The following PPFIA1 variants were observed in gnomAD, a reference collection of about 807,000 sequenced individuals.
PPFIA1 encodes PPFI scaffold protein A1.
A neutral mutation model predicts 149.9 loss-of-function variants in PPFIA1; 25 were observed. The observed-to-expected ratio is 0.17, with a 90% confidence interval of 0.12 to 0.23. The LOEUF (loss-of-function observed/expected upper bound fraction) is 0.23, where lower values mean the gene tolerates loss of function less well. PPFIA1 is among the 10% of genes least tolerant of loss of function. The pLI, the probability that PPFIA1 is intolerant of heterozygous loss-of-function variation, is 1.00. For synonymous variants in PPFIA1, 549 were observed against 552.8 expected (o/e 0.99, Z 0.10); for missense variants, 1,362 against 1,506.5 (o/e 0.90, Z 1.59).
chr11:70,285,786 A>G (rs2051071259), intron 2 of PPFIA1, among the ~76,000 whole-genome samples: 1 of 152,126 alleles, frequency 6.6e-6, no homozygotes, highest in Admixed American at 6.5e-5. Flanking sequence ...CATGCAGTAT[A>G]CATAATGTTT....
In PPFIA1 at chr11:70,288,910, T is replaced by A. The variant is rs138029460; in HGVS notation, c.264+16474T>A. Among the ~76,000 whole-genome samples the A allele has an allele frequency of 2.7e-3, 410 of 151,944 alleles. 1 individual carries two copies. Among genetic ancestry groups the A allele is most frequent in the African/African-American group, 9.6e-3 (399 of 41,422 alleles). ...GGTTCCCTTTAGTGGGAAGTGGCAT[T>A]TAGAAATCAGCATTTGGGGCTGGGT... On this transcript the variant is annotated intron_variant, in intron 2 of 27. Coordinates refer to ENST00000253925, the MANE Select transcript of PPFIA1 (RefSeq NM_003626.5).
At chr11:70,305,650 G>A (rs1398620882) in intron 2 of PPFIA1, among the ~76,000 whole-genome samples, 1 of 152,146 alleles carries the variant, frequency 6.6e-6, no homozygotes, top group Non-Finnish European at 1.5e-5. Flanking sequence ...GATTGCAGAC[G>A]TGAGCCCCTG....
chr11:70,294,945 T>C (rs538075438), intron 2 of PPFIA1, among the ~76,000 whole-genome samples: 119 of 152,126 alleles, frequency 7.8e-4, no homozygotes, highest in African/African-American at 2.8e-3. Flanking sequence ...AAGTCTCCCA[T>C]GTCTACTTCT....
chr11:70,291,876 C>CACA (rs976317258), intron 2 of PPFIA1, among the ~76,000 whole-genome samples: 1 of 133,754 alleles, frequency 7.5e-6, no homozygotes, highest in Non-Finnish European at 1.5e-5. Context: ...CTTGCTCTGT[C>CACA]GCCCAGGCTG....
In PPFIA1 at chr11:70,279,905, A is replaced by ATGTGTGTGTGTGTGTGTGTG. The variant is rs759392357; in HGVS notation, c.264+7482_264+7483insGTGTGTGTGTGTGTGTGTGT. On this transcript the variant is annotated intron_variant, in intron 2 of 27. Transcript: ENST00000253925. ...TGTCCGGCCTGTGTGTGTGTGGGGG[A>ATGTGTGTGTGTGTGTGTGTG]TGTGTGTGTGTGTATATTTTTGGGA... is the stretch of plus-strand genomic sequence containing the variant. 2.3e-3 allele frequency among the ~76,000 whole-genome samples: 330 copies of ATGTGTGTGTGTGTGTGTGTG among 144,966 alleles called. 2 individuals carry two copies. The highest frequency in any genetic ancestry group is 8.1e-3 in the African/African-American group (304 of 37,672).
At chr11:70,377,683 GA>G (rs1226134231) in intron 25 of PPFIA1, among the ~76,000 whole-genome samples, 1 of 152,094 alleles carries the variant, frequency 6.6e-6, no homozygotes, top group African/African-American at 2.4e-5. Flanking sequence ...AAATAAAAAT[GA>G]AAAATAAACT....
At chr11:70,338,717 C>G (rs1241730651) in intron 13 of PPFIA1, among the ~76,000 whole-genome samples, 1 of 152,240 alleles carries the variant, frequency 6.6e-6, no homozygotes, top group African/African-American at 2.4e-5. Flanking sequence ...GAGTGTGACA[C>G]TGATGATGTA....
intron 2 of PPFIA1, among the ~76,000 whole-genome samples, chr11:70,301,925 A>G (rs1320776570): frequency 6.6e-6 from 1 of 152,242 alleles, no homozygotes; most frequent in Non-Finnish European, 1.5e-5. Flanking sequence ...AGTTAATTCC[A>G]TATGCAGTGA....
At chr11:70,358,674 G>C (rs1235011451) in intron 19 of PPFIA1, 1 of 152,234 alleles carries the variant, frequency 6.6e-6, no homozygotes, top group East Asian at 1.9e-4. Flanking sequence ...ACTCAAAGGT[G>C]TGTTTTAACT....
At chr11:70,350,070 G>A (rs1329548982) in intron 16 of PPFIA1, 1 of 397,848 alleles carries the variant, frequency 2.5e-6, no homozygotes, top group Non-Finnish European at 5.0e-6. Flanking sequence ...GTTCGATCAT[G>A]TTTGTGAGTT....
chr11:70,291,982 T>A (rs950798925), intron 2 of PPFIA1, among the ~76,000 whole-genome samples: 1 of 151,530 alleles, frequency 6.6e-6, no homozygotes, highest in African/African-American at 2.4e-5. Context: ...GGACTACAGG[T>A]GCGTGCCACC....
At chr11:70,333,123 T>G (rs1284127282) in intron 9 of PPFIA1, 1 of 476,132 alleles carries the variant, frequency 2.1e-6, no homozygotes, top group South Asian at 1.5e-5. Context: ...GCTCCTTGCT[T>G]GTGCTTGCCG....
At position 70,383,128 on chromosome 11, in the gene PPFIA1, CAG is replaced by C. The variant is rs1175683413; in HGVS notation, c.*141_*142del. The stretch of plus-strand genomic sequence containing the variant: ...ATATGGACCCTAAGATATTTTATTA[CAG>C]AGTTTTTAATTAGTGAAAAATTCAT... On this transcript the variant is annotated 3_prime_UTR_variant, in exon 28 of 28. Coordinates refer to ENST00000253925, the MANE Select transcript of PPFIA1 (RefSeq NM_003626.5). 46 of 370,374 alleles carry C rather than the reference CAG, an allele frequency of 1.2e-4. No homozygotes were observed. In the Middle Eastern group the frequency reaches 1.8e-3, roughly 14 times the overall value. 22.9% of individuals were successfully genotyped at this position (370,374 alleles called of 1,614,324 possible). A position where few individuals can be genotyped will look rare whatever the true frequency, so the allele number is the denominator to read the frequency against.
intron 2 of PPFIA1, among the ~76,000 whole-genome samples, chr11:70,277,820 G>C (rs139210638): frequency 6.6e-6 from 1 of 151,644 alleles, no homozygotes; most frequent in Non-Finnish European, 1.5e-5. Context: ...AACTTTCTAC[G>C]GTATTTCTTT....
chr11:70,330,488 T>TTTAACC (rs1309977236), intron 8 of PPFIA1, among the ~76,000 whole-genome samples, 169 bp downstream of exon 8: 1 of 152,242 alleles, frequency 6.6e-6, no homozygotes. Flanking sequence ...GAGGTTTTGA[T>TTTAACC]TACGTAGGAT....
At position 70,338,428 on chromosome 11, in the gene PPFIA1, C is replaced by T; in HGVS notation, c.1546C>T (p.Leu516=). The change falls in exon 13 of 28, where the codon CTA becomes TTA. Residue 516 remains leucine (L), a synonymous_variant. Coordinates refer to ENST00000253925, the MANE Select transcript of PPFIA1 (RefSeq NM_003626.5). ...ALRAELDHMR[L]RGASLHHGRP... ...GAGGGCTGAACTAGACCACATGAGA[C>T]TAAGAGGTGCTTCACTTCATCATGG... 1 of 1,612,360 alleles carries T rather than the reference C, an allele frequency of 6.2e-7. No individual in the cohort carries two copies. Among genetic ancestry groups the T allele is most frequent in the Non-Finnish European group, 8.5e-7 (1 of 1,178,396 alleles).
At chr11:70,296,756 A>T (rs923331635) in intron 2 of PPFIA1, among the ~76,000 whole-genome samples, 1 of 19,634 alleles carries the variant, frequency 5.1e-5, no homozygotes, top group African/African-American at 1.4e-4. Flanking sequence ...AGAGGGAGGG[A>T]GGGAGGGGGA....
intron 8 of PPFIA1, among the ~76,000 whole-genome samples, chr11:70,330,542 T>C (rs958116244): frequency 1.3e-5 from 2 of 152,262 alleles, no homozygotes; most frequent in Non-Finnish European, 1.5e-5. Flanking sequence ...TTTGTTGTAA[T>C]TGAAAGTTAA....
chr11:70,316,417 G>T (rs975448042), intron 2 of PPFIA1, among the ~76,000 whole-genome samples: 5 of 152,206 alleles, frequency 3.3e-5, no homozygotes, highest in Non-Finnish European at 7.3e-5. Context: ...ACTGAGTGAA[G>T]TTTTATTTCA....
Sources: allele counts gnomAD v4.1 joint callset (sites outside exome capture counted in the v4.1 genomes callset), GRCh38; gene constraint gnomAD v4.1.1; transcripts MANE v1.5; gene names NCBI Gene and HGNC (gene_info 2026-07-23, HGNC 2026-07-21).